The following RNF2 variants were observed in gnomAD, a reference collection of about 807,000 sequenced individuals.
RNF2 encodes E3 ubiquitin-protein ligase RING2.
In RNF2, 6 loss-of-function variants were observed where a neutral mutation model predicts 37.2. The ratio of observed to expected loss-of-function variants is 0.16; its 90% confidence interval spans 0.09 to 0.32. The LOEUF is 0.32. Among genes scored for constraint, RNF2 ranks in the 10% least tolerant of loss-of-function variants. RNF2 has a pLI of 1.00. For synonymous variants in RNF2, 133 were observed against 132.7 expected, an observed-to-expected ratio of 1.00 and a Z score of -0.02; for missense variants, 251 against 404.0, an observed-to-expected ratio of 0.62 and a Z score of 3.25.
intron 1 of RNF2, among the ~76,000 whole-genome samples, chr1:185,050,338 C>T (rs138141542): frequency 6.6e-6 from 1 of 152,236 alleles, no homozygotes; most frequent in Non-Finnish European, 1.5e-5. Flanking sequence ...CAGCAACCAA[C>T]TTGCCTCTTC....
intron 1 of RNF2, among the ~76,000 whole-genome samples, chr1:185,058,863 A>G (rs535434103): frequency 1.7e-4 from 26 of 152,314 alleles, no homozygotes; most frequent in Non-Finnish European, 3.7e-4. Flanking sequence ...TTTTATAGAT[A>G]AAGAGGTTTA....
In RNF2 at chr1:185,093,272, A is replaced by T; in HGVS notation, c.460A>T (p.Asn154Tyr). The T allele has an allele frequency of 6.2e-7, 1 of 1,613,466 alleles. No homozygotes were observed. The highest frequency in any genetic ancestry group is 2.2e-5 in the East Asian group (1 of 44,812). Residue 154 changes from asparagine to tyrosine, a missense_variant, in exon 4 of 7, where the codon AAC becomes TAC. By Grantham distance (143) the Asn-to-Tyr change is moderately radical. Coordinates refer to ENST00000367510, the MANE Select transcript of RNF2 (RefSeq NM_007212.4). Reference sequence around the variant, plus strand: ...GGAAGGACTGAAGATACAGGCCATGAACAGGTATATGGGAAAGAGGGTCAG... The same window carrying T: ...GGAAGGACTGAAGATACAGGCCATGTACAGGTATATGGGAAAGAGGGTCAG... ...IEEGLKIQAMNRLQRGKKQQI... is the reference protein window; with the variant it reads ...IEEGLKIQAMYRLQRGKKQQI...
chr1:185,094,661 G>A (rs1261998696), intron 4 of RNF2, among the ~76,000 whole-genome samples: 1 of 152,138 alleles, frequency 6.6e-6, no homozygotes, highest in East Asian at 1.9e-4. Flanking sequence ...TAAATTGAAA[G>A]GAAGATCATG....
intron 4 of RNF2, among the ~76,000 whole-genome samples, chr1:185,097,284 C>G (rs1216892889): frequency 6.6e-6 from 1 of 152,158 alleles, no homozygotes; most frequent in East Asian, 1.9e-4. Flanking sequence ...TATTTAGATA[C>G]CATCGCATTT....
At chr1:185,049,717 C>G (rs1034373773) in intron 1 of RNF2, among the ~76,000 whole-genome samples, 6 of 151,502 alleles carry the variant, frequency 4.0e-5, no homozygotes, top group African/African-American at 1.5e-4. Context: ...TAATCAGAAC[C>G]TAAGAGCTCA....
At chr1:185,061,793 T>G (rs1650614557) in intron 1 of RNF2, among the ~76,000 whole-genome samples, 1 of 152,214 alleles carries the variant, frequency 6.6e-6, no homozygotes, top group Non-Finnish European at 1.5e-5. Context: ...AAGACTGTTT[T>G]TAGGCAATGT....
chr1:185,088,087 A>G (rs114995260), intron 2 of RNF2, among the ~76,000 whole-genome samples: 43 of 152,340 alleles, frequency 2.8e-4, no homozygotes, highest in African/African-American at 9.9e-4. Flanking sequence ...TTCCTATACA[A>G]CAGGCAGGCA....
chr1:185,047,947 A>C (rs1010864972), intron 1 of RNF2, among the ~76,000 whole-genome samples: 10 of 152,166 alleles, frequency 6.6e-5, no homozygotes, highest in African/African-American at 2.2e-4. Context: ...GTTTATTTGC[A>C]TTTAATACTG....
chr1:185,063,047 C>T (rs1650660128), intron 1 of RNF2, among the ~76,000 whole-genome samples: 1 of 152,334 alleles, frequency 6.6e-6, no homozygotes, highest in Admixed American at 6.5e-5. Flanking sequence ...AGTAATTCCA[C>T]TTCTAGGAAT....
chr1:185,077,625 G>GTTTTTTTTTTTTT (rs528747420), intron 1 of RNF2, among the ~76,000 whole-genome samples: 19 of 115,670 alleles, frequency 1.6e-4, no homozygotes, highest in African/African-American at 4.9e-4. Context: ...AATTAACTTT[G>GTTTTTTTTTTTTT]TTTTTTTTTT....
intron 1 of RNF2, among the ~76,000 whole-genome samples, chr1:185,060,061 T>C (rs941822077): frequency 1.7e-4 from 26 of 152,216 alleles, no homozygotes; most frequent in African/African-American, 5.3e-4. Flanking sequence ...ACATTGGAAC[T>C]TGATGAACAT....
chr1:185,094,138 T>A (rs898622891), intron 4 of RNF2, among the ~76,000 whole-genome samples: 30 of 151,756 alleles, frequency 2.0e-4, no homozygotes, highest in Non-Finnish European at 4.3e-4. Context: ...TCAGTTTTTT[T>A]TTTTTATTTT....
chr1:185,054,505 C>G (rs1650370442), intron 1 of RNF2, among the ~76,000 whole-genome samples: 2 of 151,992 alleles, frequency 1.3e-5, no homozygotes, highest in Admixed American at 6.5e-5. Flanking sequence ...CCCTCCGGGC[C>G]GGCCAGACGC....
chr1:185,055,944 C>T (rs569110574), intron 1 of RNF2, among the ~76,000 whole-genome samples: 74 of 151,968 alleles, frequency 4.9e-4, no homozygotes, highest in Non-Finnish European at 9.7e-4. Context: ...GGGTGCTATC[C>T]TCTAGTAACA....
intron 1 of RNF2, among the ~76,000 whole-genome samples, chr1:185,079,623 G>A (rs4651247): frequency 0.3 from 45,644 of 152,028 alleles, 7,663 homozygotes; most frequent in Non-Finnish European, 0.38. Flanking sequence ...TCCAATTCCA[G>A]GAGCCCAAAT....
chr1:185,077,159 A>G (rs560014952), intron 1 of RNF2, among the ~76,000 whole-genome samples: 1 of 152,128 alleles, frequency 6.6e-6, no homozygotes, highest in East Asian at 1.9e-4. Context: ...TTTTATCTTC[A>G]TTCCACCATG....
intron 1 of RNF2, among the ~76,000 whole-genome samples, chr1:185,065,076 A>G (rs542473164): frequency 3.9e-5 from 6 of 152,274 alleles, no homozygotes; most frequent in African/African-American, 1.4e-4. Flanking sequence ...CTGTCTAGCT[A>G]AAGGATTGTA....
In RNF2 at chr1:185,091,752, G is replaced by T. The variant is rs2102199988; in HGVS notation, c.248+13G>T. The T allele has an allele frequency of 6.2e-7, 1 of 1,611,848 alleles. No individual in the cohort carries two copies. Among genetic ancestry groups the T allele is most frequent in the South Asian group, 1.1e-5 (1 of 90,832 alleles). Reference sequence around the variant, plus strand: ...CCCTTAGAAGTGGGTATGTTGAAAAGAGTTGTTATACTAGGTACTTAATTG... The same window carrying T: ...CCCTTAGAAGTGGGTATGTTGAAAATAGTTGTTATACTAGGTACTTAATTG... On this transcript the variant is annotated intron_variant, in intron 3 of 6. Transcript: ENST00000367510.
chr1:185,049,667 G>A (rs1470225727), intron 1 of RNF2, among the ~76,000 whole-genome samples: 1 of 139,194 alleles, frequency 7.2e-6, no homozygotes, highest in Non-Finnish European at 1.5e-5. Context: ...GGTTAGATGA[G>A]TGTAAAAAAA....
Sources: allele counts gnomAD v4.1 joint callset (sites outside exome capture counted in the v4.1 genomes callset), GRCh38; gene constraint gnomAD v4.1.1; transcripts MANE v1.5; gene names NCBI Gene and HGNC (gene_info 2026-07-23, HGNC 2026-07-21).